Variants in EFL1 observed in about 807,000 individuals in gnomAD.
EFL1 encodes elongation factor-like GTPase 1.
EFL1 carries 76 observed loss-of-function variants against 126.7 expected under a neutral mutation model. That is an observed-to-expected ratio of 0.60 (90% confidence interval 0.50 to 0.73). The LOEUF is 0.73. EFL1 is among the 30% of genes least tolerant of loss of function. The pLI is 0.00. For missense variants in EFL1, 1,128 were observed against 1,343.2 expected (o/e 0.84, Z 2.50); for synonymous variants, 410 against 448.4 (o/e 0.91, Z 1.08).
chr15:82,136,633 T>G lies in EFL1; in HGVS notation c.3174+2025A>C, dbSNP rs190231164. Among the ~76,000 whole-genome samples the G allele has an allele frequency of 4.6e-5, 7 of 152,318 alleles. No homozygotes were observed. In the East Asian group the frequency reaches 1.4e-3, roughly 29 times the overall value. On this transcript the variant is annotated intron_variant, in intron 19 of 19. Coordinates refer to ENST00000268206, the MANE Select transcript of EFL1 (RefSeq NM_024580.6). Reference sequence around the variant, plus strand: ...AATACATTTGCACTACAGACATAGTTCTATTTTTCAGGCACTGCCTTTTAA... The same window carrying G: ...AATACATTTGCACTACAGACATAGTGCTATTTTTCAGGCACTGCCTTTTAA...
chr15:82,155,825 A>G (rs1265531051), intron 17 of EFL1, among the ~76,000 whole-genome samples: 1 of 152,268 alleles, frequency 6.6e-6, no homozygotes, highest in Non-Finnish European at 1.5e-5. Context: ...TCCATCAATT[A>G]GTAATAAGTT....
intron 15 of EFL1, among the ~76,000 whole-genome samples, chr15:82,189,958 A>C (rs1595971619): frequency 6.6e-6 from 1 of 152,036 alleles, no homozygotes; most frequent in East Asian, 1.9e-4. Flanking sequence ...TCTACTAAAA[A>C]TACAAACATT....
chr15:82,202,664 C>T (rs1014321883), intron 15 of EFL1, among the ~76,000 whole-genome samples: 1 of 152,096 alleles, frequency 6.6e-6, no homozygotes, highest in African/African-American at 2.4e-5. Flanking sequence ...CCCAGGGCTA[C>T]AAGGCTTAAA....
chr15:82,231,076 G>T, intron 7 of EFL1, 105 bp from the exon 8 acceptor site: 1 of 1,333,016 alleles, frequency 7.5e-7, no homozygotes, highest in Non-Finnish European at 1.0e-6. Context: ...ACTTAATCCA[G>T]TATCCTACAA....
At chr15:82,203,823 ACTTAT>A (rs1480747379) in intron 15 of EFL1, among the ~76,000 whole-genome samples, 1 of 152,180 alleles carries the variant, frequency 6.6e-6, no homozygotes, top group Non-Finnish European at 1.5e-5. Flanking sequence ...ACCATAATCT[ACTTAT>A]CTATTCTTCT....
chr15:82,143,485 T>A (rs1290255112), intron 18 of EFL1, among the ~76,000 whole-genome samples: 1 of 152,180 alleles, frequency 6.6e-6, no homozygotes, highest in Non-Finnish European at 1.5e-5. Context: ...TACAAATAAA[T>A]TGGTAGGTAC....
At chr15:82,253,044 CTTT>C (rs112441286) in intron 3 of EFL1, among the ~76,000 whole-genome samples, 3 of 142,440 alleles carry the variant, frequency 2.1e-5, no homozygotes, top group Non-Finnish European at 4.6e-5. Flanking sequence ...TATATAGAGC[CTTT>C]TTTTTTTTTG....
intron 15 of EFL1, among the ~76,000 whole-genome samples, chr15:82,181,786 T>C (rs778238440): frequency 2.0e-5 from 3 of 152,134 alleles, no homozygotes; most frequent in Non-Finnish European, 4.4e-5. Context: ...TCACGTTCCT[T>C]ATTATAACAC....
At chr15:82,208,605 G>A (rs977828201) in intron 15 of EFL1, among the ~76,000 whole-genome samples, 26 of 152,086 alleles carry the variant, frequency 1.7e-4, no homozygotes, top group African/African-American at 6.0e-4. Flanking sequence ...GAACCTAATA[G>A]GGGTTGAAAA....
intron 12 of EFL1, among the ~76,000 whole-genome samples, chr15:82,223,621 A>C (rs1269139296): frequency 6.6e-6 from 1 of 152,204 alleles, no homozygotes; most frequent in Non-Finnish European, 1.5e-5. Context: ...CTTAACAGCA[A>C]GTTTTCCAAT....
At chr15:82,131,403 T>C (rs1301120622) in intron 19 of EFL1, among the ~76,000 whole-genome samples, 1 of 152,122 alleles carries the variant, frequency 6.6e-6, no homozygotes, top group African/African-American at 2.4e-5. Context: ...GTGATCCTCC[T>C]CCCTTGACCT....
rs116220242 is a variant in EFL1, at chr15:82,159,624, G to A, written c.1883-1764C>T. On this transcript the variant is annotated intron_variant, in intron 16 of 19. Coordinates refer to ENST00000268206, the MANE Select transcript of EFL1 (RefSeq NM_024580.6). The stretch of plus-strand genomic sequence containing the variant: ...ATAAAAACCTCTTACAATTTGGAAG[G>A]TGATTTTCTTAACCTGTTCTTAAAA... Among the ~76,000 whole-genome samples the A allele has an allele frequency of 8.1e-3, 1,227 of 152,118 alleles. 14 individuals are homozygous for A. The highest frequency in any genetic ancestry group is 0.028 in the African/African-American group (1,151 of 41,496).
chr15:82,203,407 C>T (rs981387082), intron 15 of EFL1, among the ~76,000 whole-genome samples: 2 of 152,286 alleles, frequency 1.3e-5, no homozygotes, highest in East Asian at 1.9e-4. Context: ...CTCGCTCTGT[C>T]GCCCAAGCTG....
At position 82,235,900 on chromosome 15, in the gene EFL1, C is replaced by T. The variant is rs575370134; in HGVS notation, c.731+2407G>A. On this transcript the variant is annotated intron_variant, in intron 7 of 19. Coordinates refer to ENST00000268206, the MANE Select transcript of EFL1 (RefSeq NM_024580.6). ...CAGATAGAAAAGGAAAAAAATACAACAACCCCTATTTGCAGACATGATAGT... is the reference window on the plus strand; with the variant it reads ...CAGATAGAAAAGGAAAAAAATACAATAACCCCTATTTGCAGACATGATAGT... 9.2e-5 allele frequency among the ~76,000 whole-genome samples: 14 copies of T among 152,154 alleles called. No homozygotes were observed. In the South Asian group the frequency reaches 2.9e-3, roughly 32 times the overall value.
rs1196951228 is a variant in EFL1, at chr15:82,227,601, C to T, written c.1070-29G>A. 5.6e-6 allele frequency: 9 copies of T among 1,613,532 alleles called. No individual in the cohort carries two copies. The African/African-American group carries it at 8.0e-5, about 14-fold the overall frequency. ...AAGTCTATTGTTAAGGACTGAAAACCTTGAGCCAGTGCCTCCCACCAAGGC... is the reference window on the plus strand; with the variant it reads ...AAGTCTATTGTTAAGGACTGAAAACTTTGAGCCAGTGCCTCCCACCAAGGC... On this transcript the variant is annotated intron_variant, in intron 10 of 19. Transcript: ENST00000268206.
intron 15 of EFL1, among the ~76,000 whole-genome samples, chr15:82,181,007 T>C (rs1210393398): frequency 1.3e-5 from 2 of 152,126 alleles, no homozygotes; most frequent in African/African-American, 4.8e-5. Context: ...GGATTACAGG[T>C]GTGAGCCACC....
intron 15 of EFL1, among the ~76,000 whole-genome samples, chr15:82,176,148 T>G (rs371157516): frequency 7.9e-5 from 12 of 152,176 alleles, no homozygotes; most frequent in African/African-American, 2.9e-4. Flanking sequence ...AAAAAAATAA[T>G]TGACATTGAC....
intron 16 of EFL1, among the ~76,000 whole-genome samples, chr15:82,163,316 C>G (rs979801994): frequency 2.4e-4 from 36 of 152,160 alleles, no homozygotes; most frequent in Admixed American, 5.2e-4. Context: ...CCGAGGCAGG[C>G]AGATGACCTG....
intron 19 of EFL1, 37 bp downstream of exon 19, chr15:82,138,621 T>G: frequency 7.5e-6 from 12 of 1,603,470 alleles, no homozygotes; most frequent in Non-Finnish European, 1.0e-5. Flanking sequence ...TATCCATAGA[T>G]GAGAAGGAAG....
Sources: gnomAD v4.1 joint callset for allele counts (sites outside exome capture counted in the v4.1 genomes callset) on GRCh38, gnomAD v4.1.1 for gene constraint, MANE v1.5 for transcripts, NCBI Gene and HGNC (gene_info 2026-07-23, HGNC 2026-07-21) for gene names.